The following GGT1 variants were observed in gnomAD, a reference collection of about 807,000 sequenced individuals.
GGT1 encodes glutathione hydrolase 1 proenzyme.
GGT1 carries 21 observed loss-of-function variants against 56.0 expected under a neutral mutation model. The observed-to-expected ratio is 0.38, with a 90% CI of 0.27 to 0.54. GGT1 has a LOEUF of 0.54. Ranked by LOEUF, GGT1 falls within the 20% of genes least tolerant of loss-of-function variation. The pLI, the probability that GGT1 is intolerant of heterozygous loss-of-function variation, is 0.82. For missense variants in GGT1, 466 were observed against 787.0 expected (o/e 0.59, Z 4.88); for synonymous variants, 238 against 342.6 (o/e 0.69, Z 3.37).
chr22:24,615,124 A>C lies in GGT1; in HGVS notation c.379A>C (p.Lys127Gln). ...TMFNSSEQSQ[K>Q]GGLSVAVPGE... is the part of the protein sequence containing the mutation. ...GTTCAACAGCTCGGAGCAGTCCCAGAAGGGTAAGCCATGCGGCAGACTTGG... is the reference window on the plus strand; with the variant it reads ...GTTCAACAGCTCGGAGCAGTCCCAGCAGGGTAAGCCATGCGGCAGACTTGG... Residue 127 changes from lysine (K) to glutamine (Q), a missense_variant, in exon 7 of 16, where the codon AAG becomes CAG. By Grantham distance (53) the Lys-to-Gln change is moderately conservative. This residue lies in a region of GGT1 where 456 missense variants were observed against 716.7 expected (regional missense o/e 0.64). Transcript: ENST00000400382. The C allele has an allele frequency of 6.2e-7, 1 of 1,610,352 alleles. No individual in the cohort carries two copies. Among genetic ancestry groups the C allele is most frequent in the Non-Finnish European group, 8.5e-7 (1 of 1,178,374 alleles).
At chr22:24,594,937 G>A (rs2045668146) in intron 1 of GGT1, 1 of 152,354 alleles carries the variant, frequency 6.6e-6, no homozygotes, top group Admixed American at 6.5e-5. Context: ...GCCACAGCTG[G>A]GAGGGCTCCC....
the GGT1 span, chr22:24,589,582 A>C: frequency 7.7e-6 from 4 of 522,718 alleles, no homozygotes; most frequent in South Asian, 1.3e-4. Flanking sequence ...GCTGCCACAC[A>C]GAAAATGGGT....
Position 24,628,185 on chromosome 22 carries a change from A to T in GGT1, c.1441A>T (p.Thr481Ser). 8 of 1,612,008 alleles carry T rather than the reference A, an allele frequency of 5.0e-6. No homozygotes were observed. Among genetic ancestry groups the T allele is most frequent in the Non-Finnish European group, 6.8e-6 (8 of 1,179,844 alleles). Residue 481 changes from threonine to serine, a missense_variant, in exon 14 of 16, where the codon ACT (threonine) becomes TCT (serine). Around this residue, in one of 2 missense-constraint regions of GGT1, gnomAD observed 456 missense variants for 716.7 expected, o/e 0.64. Transcript: ENST00000400382. This position sits in a 1 kb window ranked among gnomAD's most constrained non-coding sequence, Gnocchi z 5.7. ...AAGGTQITTA[T>S]ALAIIYNLWF... ...TGGGGGCACACAGATCACCACGGCCACTGCACTGGTATGTGTCACACCTTT... is the reference window on the plus strand; with the variant it reads ...TGGGGGCACACAGATCACCACGGCCTCTGCACTGGTATGTGTCACACCTTT...
Position 24,628,041 on chromosome 22 carries a change from G to T in GGT1, c.1337-40G>T, listed in dbSNP as rs756862017. The stretch of plus-strand genomic sequence containing the variant: ...GGAGAGGGGCGGGTGTCCTGGGCAG[G>T]CAGCTGACGGGCATCCCTGTCTTCT... On this transcript the variant is annotated intron_variant, in intron 13 of 15. Coordinates refer to ENST00000400382, the MANE Select transcript of GGT1 (RefSeq NM_001288833.2). This position sits in a 1 kb window ranked among gnomAD's most constrained non-coding sequence, Gnocchi z 5.7. 57 of 1,611,170 alleles carry T rather than the reference G, an allele frequency of 3.5e-5. No individual in the cohort carries two copies. The highest frequency in any genetic ancestry group is 2.5e-4 in the Admixed American group (15 of 59,978).
At chr22:24,600,414 C>T (rs1362065678), upstream of GGT1, among the ~76,000 whole-genome samples, 2 of 152,248 alleles carry the variant, frequency 1.3e-5, no homozygotes, top group African/African-American at 4.8e-5. Flanking sequence ...CCTCTGCCAT[C>T]CTGCCTCTGA....
rs572640133 is a variant in GGT1, at chr22:24,613,157, C to G, written c.165-1619C>G. Among the ~76,000 whole-genome samples, 3 of 152,298 alleles carry G rather than the reference C, an allele frequency of 2.0e-5. No individual in the cohort carries two copies. In the South Asian group the frequency reaches 6.2e-4, roughly 32 times the overall value. ...GTGGCATGATCATAGCTCACTGCAG[C>G]CTTGAACTCTTGGGCTTAAGCGATC... On this transcript the variant is annotated intron_variant, in intron 5 of 15. Coordinates refer to ENST00000400382, the MANE Select transcript of GGT1 (RefSeq NM_001288833.2).
At chr22:24,619,288 C>T (rs1186141333) in intron 7 of GGT1, among the ~76,000 whole-genome samples, 3 of 151,400 alleles carry the variant, frequency 2.0e-5, no homozygotes, top group Non-Finnish European at 4.4e-5. Flanking sequence ...ATCCCAGCTA[C>T]TTGGGAGGCT....
chr22:24,605,035 T>TATATATATATA lies in GGT1; in HGVS notation c.-429+1509_-429+1510insTATATATATAA, dbSNP rs1243959617. Among the ~76,000 whole-genome samples, 3 of 85,470 alleles carry TATATATATATA rather than the reference T, an allele frequency of 3.5e-5. 1 individual carries two copies. The highest frequency in any genetic ancestry group is 1.9e-4 in the African/African-American group (3 of 15,890). 56.1% of individuals were successfully genotyped at this position (85,470 alleles called of 152,430 possible). A position where few individuals can be genotyped will look rare whatever the true frequency, so the allele number is the denominator to read the frequency against. On this transcript the variant is annotated intron_variant, in intron 1 of 15. Transcript: ENST00000400382. ...GAATCCTGTATGTCATATATATATATAAAATATGTAATATATTATATATTA... is the reference window on the plus strand; with the variant it reads ...GAATCCTGTATGTCATATATATATATATATATATATAAAAATATGTAATATATTATATATTA...
In GGT1 at chr22:24,628,803, G is replaced by A. The variant is rs530829440; in HGVS notation, c.1674G>A (p.Ser558=). 1.1e-4 allele frequency: 176 copies of A among 1,608,202 alleles called. 1 individual carries two copies. The South Asian group carries it at 1.6e-3, about 15-fold the overall frequency. The change falls in exon 16 of 16, where the codon TCG becomes TCA. Residue 558 remains serine (S), a synonymous_variant. Coordinates refer to ENST00000400382, the MANE Select transcript of GGT1 (RefSeq NM_001288833.2). The surrounding 1 kb of genome is among the most constrained non-coding windows in gnomAD (Gnocchi z 5.7). The part of the protein sequence containing the change: ...VRTAGGWAAA[S]DSRKGGEPAG... ...CGGCTGGTGGCTGGGCAGCTGCCTC[G>A]GACTCCAGGAAAGGCGGGGAGCCTG...
chr22:24,585,650 T>C, the GGT1 span: 8 of 567,994 alleles, frequency 1.4e-5, no homozygotes, highest in Non-Finnish European at 1.9e-5. Context: ...TGTCACTCTT[T>C]ATTGCGGGGT....
intron 1 of GGT1, chr22:24,607,687 G>C (rs1428253731): frequency 4.0e-6 from 1 of 250,018 alleles, no homozygotes; most frequent in East Asian, 1.4e-4. Flanking sequence ...GCCTCCCACT[G>C]TCCGCCGGGG....
chr22:24,588,081 C>T, the GGT1 span: 4 of 693,636 alleles, frequency 5.8e-6, no homozygotes, highest in Admixed American at 9.0e-5. Flanking sequence ...CAGGGTAGGG[C>T]CCTCATGCGG....
At chr22:24,621,109 G>A (rs1299126121) in intron 9 of GGT1, 39 bp downstream of exon 9, 1 of 1,549,716 alleles carries the variant, frequency 6.5e-7, no homozygotes, top group African/African-American at 1.4e-5. Flanking sequence ...GAGGAACTCT[G>A]CAGTGGAAAC....
chr22:24,610,957 G>A (rs200190420), intron 4 of GGT1, 118 bp from the exon 5 acceptor site: 169 of 823,812 alleles, frequency 2.1e-4, no homozygotes, highest in African/African-American at 7.1e-4. Context: ...TCTGGGAAGC[G>A]GGAAGGAGAC....
chr22:24,623,884 C>G lies in GGT1; in HGVS notation c.988C>G (p.Leu330Val). The G allele has an allele frequency of 6.2e-7, 1 of 1,611,538 alleles. No homozygotes were observed. The highest frequency in any genetic ancestry group is 8.5e-7 in the Non-Finnish European group (1 of 1,179,656). ...FRFAYAKRTL[L>V]GDPKFVDVTE... ...GTTTGCCTACGCCAAGAGGACCCTG[C>G]TTGGGGACCCCAAGTTTGTGGATGT... Residue 330 changes from leucine to valine, a missense_variant, in exon 11 of 16, where the codon CTT becomes GTT. By Grantham distance (32) the Leu-to-Val change is conservative. This residue lies in a region of GGT1 where 456 missense variants were observed against 716.7 expected (regional missense o/e 0.64). Coordinates refer to ENST00000400382, the MANE Select transcript of GGT1 (RefSeq NM_001288833.2).
intron 1 of GGT1, among the ~76,000 whole-genome samples, chr22:24,606,553 C>G (rs1251375080): frequency 6.6e-6 from 1 of 152,176 alleles, no homozygotes; most frequent in Non-Finnish European, 1.5e-5. Flanking sequence ...CCTTCAGGGA[C>G]AGGTCATGGG....
the GGT1 span, among the ~76,000 whole-genome samples, chr22:24,584,271 G>A: frequency 6.6e-6 from 1 of 152,272 alleles, no homozygotes; most frequent in African/African-American, 2.4e-5. Flanking sequence ...TTTAACAGAG[G>A]GGAGGGAGCA....
At chr22:24,599,323 G>A (rs980611082), upstream of GGT1, 6 of 150,196 alleles carry the variant, frequency 4.0e-5, no homozygotes, top group African/African-American at 1.5e-4. Flanking sequence ...GACTGGGAAG[G>A]AGCAAGAGGA....
the GGT1 span, chr22:24,586,521 G>C: frequency 2.6e-6 from 3 of 1,141,224 alleles, no homozygotes; most frequent in Non-Finnish European, 2.5e-6. Flanking sequence ...GGCAAAGCCA[G>C]ATTCAAACTG....
Sources: allele counts gnomAD v4.1 joint callset (sites outside exome capture counted in the v4.1 genomes callset), GRCh38; gene constraint gnomAD v4.1.1; regional missense constraint gnomAD v4.1.1; non-coding constraint Gnocchi (gnomAD v3.1); transcripts MANE v1.5; gene names NCBI Gene and HGNC (gene_info 2026-07-23, HGNC 2026-07-21).